Variants in PTPRE observed in about 807,000 individuals in gnomAD.
The protein encoded by PTPRE is protein tyrosine phosphatase receptor type E.
A neutral mutation model predicts 102.0 loss-of-function variants in PTPRE; 51 were observed. The ratio of observed to expected loss-of-function variants is 0.50; its 90% CI spans 0.40 to 0.63. The LOEUF is 0.63. Among genes scored for constraint, PTPRE ranks in the 30% least tolerant of loss-of-function variants. The pLI is 0.00. For synonymous variants in PTPRE, 345 were observed against 348.2 expected, an observed-to-expected ratio of 0.99 and a Z score of 0.10; for missense variants, 752 against 915.1, an observed-to-expected ratio of 0.82 and a Z score of 2.30.
chr10:128,056,689 G>A (rs1157865108), intron 7 of PTPRE, among the ~76,000 whole-genome samples: 1 of 152,220 alleles, frequency 6.6e-6, no homozygotes, highest in African/African-American at 2.4e-5. Context: ...TTGTAGGTGG[G>A]CAGCAGCTTT....
intron 3 of PTPRE, among the ~76,000 whole-genome samples, chr10:128,044,265 T>C (rs1245296882): frequency 6.6e-6 from 1 of 152,204 alleles, no homozygotes; most frequent in Non-Finnish European, 1.5e-5. Flanking sequence ...CTTTTCAGTA[T>C]GGACTTGCTC....
intron 1 of PTPRE, among the ~76,000 whole-genome samples, chr10:127,932,499 C>A (rs1004119808): frequency 2.0e-5 from 3 of 152,218 alleles, no homozygotes; most frequent in Non-Finnish European, 4.4e-5. Context: ...CGAAGAAGGG[C>A]TGCACGGAGT....
rs543646347 is a variant in PTPRE at position 127,962,672 on chromosome 10, C to T, written c.-30-19602C>T. The stretch of plus-strand genomic sequence containing the variant: ...TCTAAGCCGGAGGCCCTCAGCGGGG[C>T]GGCTGTGCCCTCCCCAACGCCCAGG... On this transcript the variant is annotated intron_variant, in intron 1 of 20. Coordinates refer to ENST00000254667, the MANE Select transcript of PTPRE (RefSeq NM_006504.6). Among the ~76,000 whole-genome samples the T allele has an allele frequency of 1.1e-4, 17 of 152,324 alleles. No individual in the cohort carries two copies. The South Asian group carries it at 2.3e-3, about 20-fold the overall frequency.
At chr10:128,064,641 T>C (rs1381866601) in intron 10 of PTPRE, among the ~76,000 whole-genome samples, 2 of 152,210 alleles carry the variant, frequency 1.3e-5, no homozygotes, top group Admixed American at 1.3e-4. Context: ...CTTCCCTCTT[T>C]CAGTCATTCT....
chr10:127,973,932 G>A (rs889754217), intron 1 of PTPRE, among the ~76,000 whole-genome samples: 6 of 152,044 alleles, frequency 3.9e-5, no homozygotes, highest in East Asian at 1.9e-4. Context: ...CCCCCTCCCC[G>A]GCCGCCCACC....
intron 12 of PTPRE, chr10:128,068,857 A>G (rs541818466): frequency 1.3e-5 from 2 of 152,522 alleles, no homozygotes; most frequent in East Asian, 3.9e-4. Context: ...GCTTTGCACA[A>G]CATGAAGAAT....
chr10:127,913,599 C>T (rs369074685), intron 1 of PTPRE, among the ~76,000 whole-genome samples: 18 of 152,270 alleles, frequency 1.2e-4, no homozygotes, highest in African/African-American at 4.3e-4. Flanking sequence ...CATAGGTCTG[C>T]GGTGCAGACT....
intron 2 of PTPRE, among the ~76,000 whole-genome samples, chr10:128,020,069 T>C: frequency 6.8e-6 from 1 of 147,314 alleles, no homozygotes; most frequent in Non-Finnish European, 1.5e-5. Context: ...TGTGTGTGTG[T>C]GTGTGTGCGT....
chr10:127,930,861 C>T (rs1452433658), intron 1 of PTPRE, among the ~76,000 whole-genome samples: 2 of 150,534 alleles, frequency 1.3e-5, no homozygotes, highest in South Asian at 2.1e-4. Flanking sequence ...GGCGCGATAT[C>T]GGCTCACTGC....
chr10:128,048,345 G>C (rs556989712), intron 5 of PTPRE, among the ~76,000 whole-genome samples: 7 of 152,260 alleles, frequency 4.6e-5, no homozygotes, highest in African/African-American at 1.7e-4. Context: ...AAGGAACATT[G>C]TTTTTCTCTC....
At chr10:127,965,809 C>T (rs1280949553) in intron 1 of PTPRE, among the ~76,000 whole-genome samples, 5 of 152,184 alleles carry the variant, frequency 3.3e-5, no homozygotes, top group Non-Finnish European at 7.3e-5. Context: ...CAGCCAGTCT[C>T]CACCTCTTTC....
intron 2 of PTPRE, among the ~76,000 whole-genome samples, chr10:127,988,434 T>C (rs1045517079): frequency 1.3e-5 from 2 of 151,790 alleles, no homozygotes; most frequent in Non-Finnish European, 2.9e-5. Flanking sequence ...ACCTCCTGAG[T>C]AGCTGGGATT....
rs1315044277 is a variant in PTPRE at position 127,944,404 on chromosome 10, A to C, written c.-31+37095A>C. 6.6e-6 allele frequency among the ~76,000 whole-genome samples: 1 copy of C among 151,272 alleles called. No individual in the cohort carries two copies. The highest frequency in any genetic ancestry group is 1.5e-5 in the Non-Finnish European group (1 of 67,924). ...GATATGTGGATGGATGGATGGATGG[A>C]TGGATGGATGCATGCATGGATAAGT... On this transcript the variant is annotated intron_variant, in intron 1 of 20. Coordinates refer to ENST00000254667, the MANE Select transcript of PTPRE (RefSeq NM_006504.6). The surrounding 1 kb of genome is among the most constrained non-coding windows in gnomAD (Gnocchi z 4.2).
At chr10:128,017,273 G>A (rs780640177) in intron 2 of PTPRE, among the ~76,000 whole-genome samples, 14 of 152,072 alleles carry the variant, frequency 9.2e-5, no homozygotes, top group Non-Finnish European at 1.5e-5. Flanking sequence ...CAAGTGGGGC[G>A]GGCATTAAGA....
At chr10:128,076,199 TTTTA>T (rs1475285748) in intron 17 of PTPRE, among the ~76,000 whole-genome samples, 1 of 152,202 alleles carries the variant, frequency 6.6e-6, no homozygotes, top group Non-Finnish European at 1.5e-5. Flanking sequence ...CTGGGTGTAT[TTTTA>T]TTAAGGTTCA....
chr10:128,009,453 T>C (rs1404450477), intron 2 of PTPRE, among the ~76,000 whole-genome samples: 9 of 152,188 alleles, frequency 5.9e-5, no homozygotes, highest in Admixed American at 5.2e-4. Flanking sequence ...CTGTGAGACT[T>C]GGTCTCTGCT....
At chr10:128,063,012 G>T in intron 9 of PTPRE, 71 bp from the exon 10 acceptor site, 2 of 1,597,090 alleles carry the variant, frequency 1.3e-6, no homozygotes, top group East Asian at 2.2e-5. Context: ...AACGGCCAGG[G>T]TGCCGGGGCT....
In PTPRE at chr10:128,062,989, C is replaced by T. The variant is rs993085591; in HGVS notation, c.626-94C>T. 1.9e-6 allele frequency: 3 copies of T among 1,558,152 alleles called. No homozygotes were observed. The African/African-American group carries it at 4.1e-5, about 21-fold the overall frequency. On this transcript the variant is annotated intron_variant, in intron 9 of 20. Transcript: ENST00000254667. ...ACAAGCCTGAGAAGGGAGTGAACAG[C>T]TGTCCAGGGGCCAACGGCCAGGGTG...
Position 128,022,497 on chromosome 10 carries a change from G to A in PTPRE, c.-7-18378G>A, listed in dbSNP as rs542583757. 3.3e-4 allele frequency among the ~76,000 whole-genome samples: 51 copies of A among 152,302 alleles called. 1 individual carries two copies. The South Asian group carries it at 1.0e-2, about 30-fold the overall frequency. On this transcript the variant is annotated intron_variant, in intron 2 of 20. Transcript: ENST00000254667. ...GACGGCCCAGGGCCTGGCCTGCCCC[G>A]TGCTGACTCCCCCAGTGAGAGGGAG...
Sources: allele counts gnomAD v4.1 joint callset (sites outside exome capture counted in the v4.1 genomes callset), GRCh38; gene constraint gnomAD v4.1.1; non-coding constraint Gnocchi (gnomAD v3.1); transcripts MANE v1.5; gene names NCBI Gene and HGNC (gene_info 2026-07-23, HGNC 2026-07-21).